The following DPY19L1 variants were observed in gnomAD, a reference collection of about 807,000 sequenced individuals.
The protein encoded by DPY19L1 is dpy-19 like C-mannosyltransferase 1.
DPY19L1 carries 35 observed loss-of-function variants against 96.9 expected under a neutral mutation model. The ratio of observed to expected loss-of-function variants is 0.36; its 90% CI spans 0.28 to 0.48. The LOEUF (loss-of-function observed/expected upper bound fraction) is 0.48, where lower values mean the gene tolerates loss of function less well. Ranked by LOEUF, DPY19L1 falls within the 20% of genes least tolerant of loss-of-function variation. DPY19L1 has a pLI of 0.99. For missense variants in DPY19L1, 521 were observed against 777.9 expected (o/e 0.67, Z 3.93); for synonymous variants, 205 against 252.6 (o/e 0.81, Z 1.79).
intron 6 of DPY19L1, among the ~76,000 whole-genome samples, chr7:34,990,504 T>C (rs1273688448): frequency 2.6e-5 from 4 of 152,238 alleles, no homozygotes; most frequent in Non-Finnish European, 4.4e-5. Context: ...AGAATACACT[T>C]GAGGAATACC....
At chr7:35,013,524 G>C (rs1562826780) in intron 4 of DPY19L1, 44 bp downstream of exon 4, 1 of 1,568,592 alleles carries the variant, frequency 6.4e-7, no homozygotes, top group Non-Finnish European at 8.7e-7. Flanking sequence ...ATACAAAAAA[G>C]TTTTTACAAA....
intron 5 of DPY19L1, among the ~76,000 whole-genome samples, chr7:35,011,091 G>A (rs1196659528): frequency 1.3e-5 from 2 of 152,182 alleles, no homozygotes; most frequent in East Asian, 3.9e-4. Context: ...GAGCAATGTA[G>A]CCTCTCAGTT....
intron 10 of DPY19L1, among the ~76,000 whole-genome samples, chr7:34,965,596 A>G (rs1784592967): frequency 6.6e-6 from 1 of 152,178 alleles, no homozygotes; most frequent in South Asian, 2.1e-4. Flanking sequence ...CCATTTGGAG[A>G]GTAGGCTCCT....
intron 4 of DPY19L1, 109 bp from the exon 5 acceptor site, chr7:35,011,559 A>T (rs1003184630): frequency 1.5e-5 from 16 of 1,044,934 alleles, no homozygotes. Flanking sequence ...TTTCCATACC[A>T]TCCACTTGGC....
rs1163744518 is a variant in DPY19L1, at chr7:34,958,059, T to G, written c.1104A>C (p.Ala368=). The G allele has an allele frequency of 6.3e-7, 1 of 1,575,644 alleles. No homozygotes were observed. Among genetic ancestry groups the G allele is most frequent in the Non-Finnish European group, 8.6e-7 (1 of 1,169,132 alleles). The part of the protein sequence containing the change: ...KIIYIHMISL[A]LCFVLMFGNS... The stretch of plus-strand genomic sequence containing the variant: ...TCCCAAACATCAAAACAAAACAAAG[T>G]GCAAGAGAAATCTGGAAAAATCCAA... Residue 368 remains alanine, a synonymous_variant, in exon 11 of 22, where the codon GCA becomes GCC. Coordinates refer to ENST00000638088, the MANE Select transcript of DPY19L1 (RefSeq NM_001366673.1).
intron 11 of DPY19L1, among the ~76,000 whole-genome samples, chr7:34,957,437 A>G (rs1181093808): frequency 6.6e-6 from 1 of 152,234 alleles, no homozygotes; most frequent in Non-Finnish European, 1.5e-5. Context: ...TGTAGCAGAA[A>G]GAATTAGATG....
chr7:35,010,517 A>C lies in DPY19L1; in HGVS notation c.715T>G (p.Leu239Val). 6.2e-7 allele frequency: 1 copy of C among 1,609,008 alleles called. No individual in the cohort carries two copies. The highest frequency in any genetic ancestry group is 8.5e-7 in the Non-Finnish European group (1 of 1,176,784). Residue 239 changes from leucine (L) to valine (V), a missense_variant, in exon 6 of 22, where the codon TTA (leucine) becomes GTA (valine). Transcript: ENST00000638088. The stretch of plus-strand genomic sequence containing the variant: ...AATAATGCCATCATTAGTCCATTTA[A>C]AATAAAAATTACAGCAACATAAAAG... ...ACFYVAVIFI[L>V]NGLMMALFFI...
chr7:35,013,139 A>G (rs1785755045), intron 4 of DPY19L1, among the ~76,000 whole-genome samples: 1 of 152,148 alleles, frequency 6.6e-6, no homozygotes, highest in Non-Finnish European at 1.5e-5. Flanking sequence ...ACATCAACAA[A>G]TTTATAGTTT....
chr7:35,024,103 C>A (rs1165181982), intron 1 of DPY19L1, among the ~76,000 whole-genome samples: 1 of 151,772 alleles, frequency 6.6e-6, no homozygotes, highest in Admixed American at 6.6e-5. Flanking sequence ...CCCAAAGTGC[C>A]GGGATAACAG....
intron 6 of DPY19L1, among the ~76,000 whole-genome samples, chr7:35,007,389 A>G (rs1460299747): frequency 7.9e-5 from 12 of 152,214 alleles, no homozygotes; most frequent in Non-Finnish European, 1.3e-4. Context: ...GGGGCCAGCT[A>G]AAGCACAAAG....
chr7:34,957,148 C>T (rs1302925351), intron 11 of DPY19L1, among the ~76,000 whole-genome samples: 2 of 150,952 alleles, frequency 1.3e-5, no homozygotes, highest in Non-Finnish European at 3.0e-5. Flanking sequence ...TTTGGGAGGC[C>T]GAGGTGGGCA....
At chr7:34,992,596 G>A (rs539892813) in intron 6 of DPY19L1, among the ~76,000 whole-genome samples, 1 of 149,336 alleles carries the variant, frequency 6.7e-6, no homozygotes, top group South Asian at 2.1e-4. Context: ...ACCCAAGCTA[G>A]GGTAGAGTGG....
chr7:35,027,688 A>AAAAAAAAAAAAAAAAAAAAAAAAAAC (rs1786160235), intron 1 of DPY19L1, among the ~76,000 whole-genome samples: 1 of 148,704 alleles, frequency 6.7e-6, no homozygotes, highest in Non-Finnish European at 1.5e-5. Context: ...AAAAAAAAAA[A>AAAAAAAAAAAAAAAAAAAAAAAAAAC]TTAGTTGGGC....
chr7:34,975,802 C>T (rs191669451), intron 7 of DPY19L1, among the ~76,000 whole-genome samples: 1 of 152,302 alleles, frequency 6.6e-6, no homozygotes, highest in African/African-American at 2.4e-5. Flanking sequence ...ACTAAATATA[C>T]TCTGCACGTG....
intron 1 of DPY19L1, among the ~76,000 whole-genome samples, chr7:35,027,267 A>T (rs1786143405): frequency 6.6e-6 from 1 of 152,020 alleles, no homozygotes; most frequent in Non-Finnish European, 1.5e-5. Flanking sequence ...CTAGCACTTA[A>T]CGACCTTGAG....
At position 34,966,926 on chromosome 7, in the gene DPY19L1, A is replaced by C; in HGVS notation, c.1060T>G (p.Cys354Gly). ...ATATAAATGATCTTCCGTAATTTACATATATCAATGTACCCGACAACATAT... is the reference window on the plus strand; with the variant it reads ...ATATAAATGATCTTCCGTAATTTACCTATATCAATGTACCCGACAACATAT... ...AVYVVGYIDI[C>G]KLRKIIYIHM... is the part of the protein sequence containing the mutation. The change falls in exon 10 of 22, where the codon TGT becomes GGT. Residue 354 changes from cysteine (C) to glycine (G), a missense_variant. Coordinates refer to ENST00000638088, the MANE Select transcript of DPY19L1 (RefSeq NM_001366673.1). The C allele has an allele frequency of 6.5e-7, 1 of 1,545,834 alleles. No homozygotes were observed. Among genetic ancestry groups the C allele is most frequent in the Non-Finnish European group, 8.7e-7 (1 of 1,147,526 alleles).
intron 7 of DPY19L1, among the ~76,000 whole-genome samples, chr7:34,984,496 C>T (rs774968931): frequency 6.6e-6 from 1 of 152,176 alleles, no homozygotes; most frequent in Non-Finnish European, 1.5e-5. Flanking sequence ...AGAAATCCAG[C>T]TGGGCAAGGT....
At chr7:35,032,157 G>T (rs1330004936) in intron 1 of DPY19L1, among the ~76,000 whole-genome samples, 1 of 152,054 alleles carries the variant, frequency 6.6e-6, no homozygotes, top group African/African-American at 2.4e-5. Flanking sequence ...AACATTTATT[G>T]AGCACAAAAT....
chr7:35,024,948 A>G (rs948943561), intron 1 of DPY19L1, among the ~76,000 whole-genome samples: 1 of 152,240 alleles, frequency 6.6e-6, no homozygotes, highest in Non-Finnish European at 1.5e-5. Context: ...AACTACAACC[A>G]TATAAGATAA....
Sources: allele counts gnomAD v4.1 joint callset (sites outside exome capture counted in the v4.1 genomes callset), GRCh38; gene constraint gnomAD v4.1.1; transcripts MANE v1.5; gene names NCBI Gene and HGNC (gene_info 2026-07-23, HGNC 2026-07-21).